Variants in MAU2 observed in about 807,000 individuals in gnomAD.
MAU2 encodes the protein MAU2 sister chromatid cohesion factor, also known as MAU2 chromatid cohesion factor homolog.
MAU2 carries 9 observed loss-of-function variants against 89.1 expected under a neutral mutation model. The observed-to-expected ratio is 0.10, with a 90% CI of 0.06 to 0.18. MAU2 has a LOEUF of 0.18. Among genes scored for constraint, MAU2 ranks in the 10% least tolerant of loss-of-function variants. The pLI, the probability that MAU2 is intolerant of heterozygous loss-of-function variation, is 1.00. For synonymous variants in MAU2, 357 were observed against 343.4 expected (o/e 1.04, Z -0.44); for missense variants, 425 against 803.5 (o/e 0.53, Z 5.69).
rs371189940 is a variant in MAU2, at chr19:19,335,658, C to G, written c.277-60C>G. The G allele has an allele frequency of 3.2e-6, 5 of 1,582,910 alleles. No homozygotes were observed. In the East Asian group the frequency reaches 1.1e-4, roughly 35 times the overall value. The stretch of plus-strand genomic sequence containing the variant: ...CAACCTGTGGAAGCCCCAGAGCGAG[C>G]CAGTAACCAGGTGCCAGGTGTTTGC... On this transcript the variant is annotated intron_variant, in intron 1 of 18. Coordinates refer to ENST00000262815, the MANE Select transcript of MAU2 (RefSeq NM_015329.4).
In MAU2 at chr19:19,321,153, C is replaced by A; in HGVS notation, c.276+18C>A. On this transcript the variant is annotated intron_variant, in intron 1 of 18. Transcript: ENST00000262815. ...AGAAGGCGGTGAGCGCGGGCCGGGC[C>A]GCGAGGGAGGAGTCGCGGGCTCCTT... 1 of 1,575,698 alleles carries A rather than the reference C, an allele frequency of 6.3e-7. No individual in the cohort carries two copies. The highest frequency in any genetic ancestry group is 8.6e-7 in the Non-Finnish European group (1 of 1,160,316).
chr19:19,345,794 G>A lies in MAU2; in HGVS notation c.1221+425G>A, dbSNP rs2061688454. ...GCTCTTTGGACAGAGGAGGACTCTT[G>A]GTCCTGCTGGGCCGGAGAGGGTGAA... On this transcript the variant is annotated intron_variant, in intron 12 of 18. Coordinates refer to ENST00000262815, the MANE Select transcript of MAU2 (RefSeq NM_015329.4). The surrounding 1 kb of genome is among the most constrained non-coding windows in gnomAD (Gnocchi z 4.9). Among the ~76,000 whole-genome samples, 2 of 152,164 alleles carry A rather than the reference G, an allele frequency of 1.3e-5. No homozygotes were observed. Among genetic ancestry groups the A allele is most frequent in the South Asian group, 4.1e-4 (2 of 4,826 alleles).
chr19:19,335,899 G>C (rs925860912), intron 2 of MAU2, among the ~76,000 whole-genome samples, 164 bp downstream of exon 2: 1 of 152,090 alleles, frequency 6.6e-6, no homozygotes, highest in Non-Finnish European at 1.5e-5. Flanking sequence ...GCCCTTGGGC[G>C]CTGTGCTCCT....
Position 19,345,681 on chromosome 19 carries a change from G to T in MAU2, c.1221+312G>T, listed in dbSNP as rs1007075252. Among the ~76,000 whole-genome samples, 6 of 152,190 alleles carry T rather than the reference G, an allele frequency of 3.9e-5. No homozygotes were observed. Among genetic ancestry groups the T allele is most frequent in the African/African-American group, 1.2e-4 (5 of 41,444 alleles). On this transcript the variant is annotated intron_variant, in intron 12 of 18. Coordinates refer to ENST00000262815, the MANE Select transcript of MAU2 (RefSeq NM_015329.4). The surrounding 1 kb of genome is among the most constrained non-coding windows in gnomAD (Gnocchi z 4.9). ...TTTGCGGCACCCACCCCCAAGGCTG[G>T]ATTGGCTCAAGTGTCAGCTGACAAC...
rs1031367886 is a variant in MAU2 at position 19,355,951 on chromosome 19, C to T, written c.*169C>T. On this transcript the variant is annotated 3_prime_UTR_variant, in exon 19 of 19. Transcript: ENST00000262815. ...CTGCCCTCCCAGGAGGGGTGGTAGC[C>T]GTTCCCACCTCGCAGCAGGACCCCC... The T allele has an allele frequency of 2.8e-6, 2 of 726,348 alleles. No homozygotes were observed. The highest frequency in any genetic ancestry group is 4.9e-6 in the Non-Finnish European group (2 of 408,462). The allele number at this position is 726,348 out of a possible 1,614,324, so 45.0% of individuals were successfully genotyped here.
At chr19:19,337,676 C>T (rs56304704) in intron 4 of MAU2, among the ~76,000 whole-genome samples, 1 of 152,146 alleles carries the variant, frequency 6.6e-6, no homozygotes, top group African/African-American at 2.4e-5. Flanking sequence ...TTAGGAGCTA[C>T]ACTGAGACTC....
intron 1 of MAU2, among the ~76,000 whole-genome samples, chr19:19,333,485 C>T (rs181966910): frequency 5.3e-5 from 8 of 151,776 alleles, no homozygotes; most frequent in African/African-American, 1.7e-4. Context: ...GACTGTGTCT[C>T]AAAAAAAAGG....
chr19:19,351,512 C>T (rs1445153976), intron 16 of MAU2, among the ~76,000 whole-genome samples: 1 of 151,546 alleles, frequency 6.6e-6, no homozygotes, highest in African/African-American at 2.4e-5. Flanking sequence ...CCCATCTCTA[C>T]AAAAACCAAA....
chr19:19,322,143 G>A (rs1340149846), intron 1 of MAU2, among the ~76,000 whole-genome samples: 4 of 151,960 alleles, frequency 2.6e-5, no homozygotes, highest in African/African-American at 9.7e-5. Context: ...GACTACAGGC[G>A]CCCGCCACCA....
In MAU2 at chr19:19,346,717, C is replaced by T. The variant is rs115587214; in HGVS notation, c.1222-563C>T. On this transcript the variant is annotated intron_variant, in intron 12 of 18. Transcript: ENST00000262815. ...CTACATAGATTGGACCCTCTCTTGA[C>T]GAACGATCTCATTTGCCAAGAAGAG... Among the ~76,000 whole-genome samples the T allele has an allele frequency of 7.2e-3, 1,090 of 152,284 alleles. 14 individuals are homozygous for T. The highest frequency in any genetic ancestry group is 0.025 in the African/African-American group (1,034 of 41,556).
intron 1 of MAU2, among the ~76,000 whole-genome samples, chr19:19,331,306 T>C (rs1409078262): frequency 6.6e-6 from 1 of 151,934 alleles, no homozygotes; most frequent in African/African-American, 2.4e-5. Context: ...GAGACCGTCC[T>C]GGCTAACATG....
chr19:19,340,435 C>T (rs1036819074), intron 5 of MAU2, among the ~76,000 whole-genome samples: 5 of 151,664 alleles, frequency 3.3e-5, no homozygotes, highest in African/African-American at 1.2e-4. Flanking sequence ...GTCAGGAGAT[C>T]GAGACCATCC....
At chr19:19,344,254 A>C in intron 10 of MAU2, 1 of 324,214 alleles carries the variant, frequency 3.1e-6, no homozygotes, top group Non-Finnish European at 5.9e-6. Flanking sequence ...TCTACTAAAA[A>C]TATAAAAATT....
chr19:19,354,261 A>T, intron 16 of MAU2, 94 bp from the exon 17 acceptor site: 3 of 887,970 alleles, frequency 3.4e-6, no homozygotes, highest in Admixed American at 3.8e-5. Context: ...TGGGTTCAGT[A>T]GGTGGGTTCC....
chr19:19,337,360 G>A, intron 4 of MAU2, 95 bp downstream of exon 4: 2 of 963,508 alleles, frequency 2.1e-6, no homozygotes, highest in Non-Finnish European at 3.3e-6. Context: ...AGTCCACGAT[G>A]CGCAGACCCC....
chr19:19,336,299 G>GT (rs943552309), intron 3 of MAU2, 112 bp downstream of exon 3: 105 of 748,766 alleles, frequency 1.4e-4, no homozygotes, highest in Admixed American at 3.1e-4. Flanking sequence ...GGCTTTTTTT[G>GT]TTTTTTTGGT....
intron 16 of MAU2, among the ~76,000 whole-genome samples, chr19:19,351,102 G>T (rs1599926121): frequency 6.6e-6 from 1 of 151,908 alleles, no homozygotes; most frequent in Non-Finnish European, 1.5e-5. Context: ...GAGCGCAGTG[G>T]CATGATCTCA....
rs1052277029 is a variant in MAU2, at chr19:19,332,785, G to C, written c.277-2933G>C. ...GCAGGCATATCTGGCTTGTAAAGAAGAGATGTCTTGGCCAGCCGCTGCGGC... is the reference window on the plus strand; with the variant it reads ...GCAGGCATATCTGGCTTGTAAAGAACAGATGTCTTGGCCAGCCGCTGCGGC... On this transcript the variant is annotated intron_variant, in intron 1 of 18. Coordinates refer to ENST00000262815, the MANE Select transcript of MAU2 (RefSeq NM_015329.4). Among the ~76,000 whole-genome samples, 15 of 152,272 alleles carry C rather than the reference G, an allele frequency of 9.9e-5. 1 individual carries two copies. The highest frequency in any genetic ancestry group is 2.9e-4 in the African/African-American group (12 of 41,558).
chr19:19,337,137 C>A (rs192284886), intron 3 of MAU2, 33 bp from the exon 4 acceptor site: 11 of 1,074,884 alleles, frequency 1.0e-5, no homozygotes, highest in Non-Finnish European at 1.4e-5. Flanking sequence ...TTTTTTTTTT[C>A]TTACATTCCC....
Sources: gnomAD v4.1 joint callset for allele counts (sites outside exome capture counted in the v4.1 genomes callset) on GRCh38, gnomAD v4.1.1 for gene constraint, Gnocchi (gnomAD v3.1) non-coding constraint, MANE v1.5 for transcripts, NCBI Gene and HGNC (gene_info 2026-07-23, HGNC 2026-07-21) for gene names.